CUX1: variants seen among roughly 807,000 people sequenced by gnomAD.
The protein encoded by CUX1 is cut like homeobox 1.
A neutral mutation model predicts 158.8 loss-of-function variants in CUX1; 31 were observed. The ratio of observed to expected loss-of-function variants is 0.20; its 90% CI spans 0.15 to 0.26. The LOEUF (loss-of-function observed/expected upper bound fraction) is 0.26, where lower values mean the gene tolerates loss of function less well. CUX1 is among the 10% of genes least tolerant of loss of function. CUX1 has a pLI of 1.00. For synonymous variants in CUX1, 879 were observed against 862.1 expected (o/e 1.02, Z -0.34); for missense variants, 1,589 against 2,014.6 (o/e 0.79, Z 4.04).
At chr7:102,081,266 T>TATATATTGTCTTCAAGGGCATATG (rs1554478666) in intron 4 of CUX1, among the ~76,000 whole-genome samples, 2 of 148,488 alleles carry the variant, frequency 1.3e-5, no homozygotes, top group Non-Finnish European at 3.0e-5. Context: ...TCCCCCCACG[T>TATATATTGTCTTCAAGGGCATATG]GCTCCCAAGA....
intron 3 of CUX1, among the ~76,000 whole-genome samples, chr7:102,060,151 G>A (rs568744789): frequency 3.9e-5 from 6 of 152,096 alleles, no homozygotes; most frequent in East Asian, 3.9e-4. Context: ...GGTAGTGGGC[G>A]CCTGTAGTCC....
chr7:102,128,382 C>T (rs1474408127), intron 8 of CUX1, among the ~76,000 whole-genome samples: 1 of 152,016 alleles, frequency 6.6e-6, no homozygotes, highest in Admixed American at 6.6e-5. Flanking sequence ...CTCCCTCGGC[C>T]GCAGCACCGG....
chr7:102,159,263 GGA>G (rs1244610276), intron 9 of CUX1, among the ~76,000 whole-genome samples: 1 of 152,138 alleles, frequency 6.6e-6, no homozygotes, highest in Non-Finnish European at 1.5e-5. Context: ...TGTTATCCTA[GGA>G]GAGTTCCTTA....
At chr7:101,923,372 G>C (rs1261824417) in intron 2 of CUX1, among the ~76,000 whole-genome samples, 2 of 152,210 alleles carry the variant, frequency 1.3e-5, no homozygotes, top group African/African-American at 4.8e-5. Context: ...AACCTTCTCT[G>C]ATGGGAGAAA....
chr7:101,882,972 C>CT lies in CUX1; in HGVS notation c.31-33142dup, dbSNP rs959767061. Among the ~76,000 whole-genome samples, 28 of 152,256 alleles carry CT rather than the reference C, an allele frequency of 1.8e-4. 1 individual carries two copies. The highest frequency in any genetic ancestry group is 1.8e-3 in the Admixed American group (27 of 15,286). ...TGCTGGTTCTGCGTGTTCCAGAGAG[C>CT]TGCACCTCTGGGTGGTGAGCTGGCC... is the stretch of plus-strand genomic sequence containing the variant. On this transcript the variant is annotated intron_variant, in intron 1 of 23. Transcript: ENST00000292535.
chr7:101,937,449 G>T, intron 2 of CUX1, among the ~76,000 whole-genome samples: 1 of 152,178 alleles, frequency 6.6e-6, no homozygotes, highest in South Asian at 2.1e-4. Flanking sequence ...TGGAAGTGGG[G>T]TGTGAGGAGG....
chr7:102,196,565 T>G, intron 14 of CUX1, 69 bp from the exon 15 acceptor site: 1 of 1,389,312 alleles, frequency 7.2e-7, no homozygotes, highest in Non-Finnish European at 9.5e-7. Flanking sequence ...AACTTTTGCA[T>G]TTTGGTCTTG....
intron 2 of CUX1, among the ~76,000 whole-genome samples, chr7:102,001,431 C>T (rs988328435): frequency 6.6e-6 from 1 of 152,164 alleles, no homozygotes; most frequent in East Asian, 1.9e-4. Context: ...GCATCCTCCG[C>T]CTCCCAAGTT....
chr7:102,165,826 C>T (rs1221374681), intron 9 of CUX1, among the ~76,000 whole-genome samples: 4 of 152,114 alleles, frequency 2.6e-5, no homozygotes, highest in African/African-American at 9.7e-5. Flanking sequence ...ATGACACCAG[C>T]CCAGGGAGCA....
chr7:101,999,249 G>T (rs1014357245), intron 2 of CUX1, among the ~76,000 whole-genome samples: 2 of 98,278 alleles, frequency 2.0e-5, no homozygotes, highest in Non-Finnish European at 3.8e-5. Context: ...TTAAGATGGG[G>T]TCTTGCTTGT....
At chr7:101,958,872 T>TTTTTA (rs1167690367) in intron 2 of CUX1, among the ~76,000 whole-genome samples, 1 of 141,212 alleles carries the variant, frequency 7.1e-6, no homozygotes, top group East Asian at 2.0e-4. Context: ...TTTTTTTTTT[T>TTTTTA]AAGAGACAGT....
intron 23 of CUX1, among the ~76,000 whole-genome samples, chr7:102,242,205 C>CTTTTTTTTTTTTTT (rs67514665): frequency 8.6e-5 from 8 of 93,070 alleles, no homozygotes; most frequent in African/African-American, 1.6e-4. Context: ...TTCTTTCTTT[C>CTTTTTTTTTTTTTT]TTTTTTTTTT....
intron 9 of CUX1, among the ~76,000 whole-genome samples, chr7:102,167,275 AAAAAAG>A (rs1218953665): frequency 3.3e-5 from 5 of 151,970 alleles, no homozygotes; most frequent in African/African-American, 1.2e-4. Context: ...ATCAAAAAAA[AAAAAAG>A]AAAAGAAAAG....
At chr7:101,982,892 C>T (rs974175790) in intron 2 of CUX1, among the ~76,000 whole-genome samples, 2 of 126,032 alleles carry the variant, frequency 1.6e-5, no homozygotes, top group Non-Finnish European at 3.3e-5. Context: ...CCATGACAAG[C>T]CCCGGTGTGT....
At position 102,104,358 on chromosome 7, in the gene CUX1, A is replaced by G. The variant is rs201650660; in HGVS notation, c.429A>G (p.Lys143=). 1,017 of 1,609,916 alleles carry G rather than the reference A, an allele frequency of 6.3e-4. 2 individuals carry two copies. Among genetic ancestry groups the G allele is most frequent in the Non-Finnish European group, 7.4e-4 (878 of 1,179,580 alleles). ...CAGAGGTTACGATAAAAGCACTTAAAGAGAAAATCCGAGAATATGAACAGA... is the reference window on the plus strand; with the variant it reads ...CAGAGGTTACGATAAAAGCACTTAAGGAGAAAATCCGAGAATATGAACAGA... ...KNQEVTIKAL[K]EKIREYEQTL... The change falls in exon 6 of 24, where the codon AAA becomes AAG. Residue 143 remains lysine, a synonymous_variant. Coordinates refer to ENST00000292535, the MANE Select transcript of CUX1 (RefSeq NM_181552.4).
chr7:101,836,797 A>G (rs1321896852), intron 1 of CUX1, among the ~76,000 whole-genome samples: 1 of 151,824 alleles, frequency 6.6e-6, no homozygotes, highest in Non-Finnish European at 1.5e-5. Flanking sequence ...GCCTGGAGAC[A>G]TGCCTGTGGG....
At chr7:101,902,799 T>C (rs2131765211) in intron 1 of CUX1, among the ~76,000 whole-genome samples, 1 of 152,284 alleles carries the variant, frequency 6.6e-6, no homozygotes, top group South Asian at 2.1e-4. Flanking sequence ...TGGGCATCTT[T>C]TAATTTTCTA....
intron 1 of CUX1, among the ~76,000 whole-genome samples, chr7:101,850,343 C>G (rs1393740406): frequency 6.6e-6 from 1 of 151,758 alleles, no homozygotes; most frequent in African/African-American, 2.4e-5. Context: ...TAAAAAAGAA[C>G]CAACCCCACC....
chr7:102,154,460 CAAATA>C (rs1414238227), intron 8 of CUX1: 2 of 144,854 alleles, frequency 1.4e-5, no homozygotes, highest in African/African-American at 5.1e-5. Flanking sequence ...AAAAAAAAAA[CAAATA>C]GAAAAATTAG....
Sources: allele counts gnomAD v4.1 joint callset (sites outside exome capture counted in the v4.1 genomes callset), GRCh38; gene constraint gnomAD v4.1.1; transcripts MANE v1.5; gene names NCBI Gene and HGNC (gene_info 2026-07-23, HGNC 2026-07-21).